The following SLC23A3 variants were observed in gnomAD, a reference collection of about 807,000 sequenced individuals.
SLC23A3 encodes the protein solute carrier family 23 member 3, also known as E2-binding protein 3.
Under a neutral mutation model 64.7 loss-of-function variants are expected in SLC23A3, and 41 were observed. That is an observed-to-expected ratio of 0.63 (90% CI 0.49 to 0.82). SLC23A3 has a LOEUF of 0.82. SLC23A3 is among the 40% of genes least tolerant of loss of function. The pLI is 0.00. For synonymous variants in SLC23A3, 281 were observed against 306.8 expected (o/e 0.92, Z 0.88); for missense variants, 647 against 733.4 (o/e 0.88, Z 1.36).
intron 9 of SLC23A3, 85 bp from the exon 10 acceptor site, chr2:219,163,640 T>A: frequency 7.9e-7 from 1 of 1,261,072 alleles, no homozygotes; most frequent in Non-Finnish European, 1.1e-6. Flanking sequence ...AAGCAGGTTG[T>A]AATGGGAAAC....
At position 219,169,433 on chromosome 2, in the gene SLC23A3, CT is replaced by C. The variant is rs777901421; in HGVS notation, c.321-28del. 5.0e-6 allele frequency: 8 copies of C among 1,614,054 alleles called. No individual in the cohort carries two copies. In the Admixed American group the frequency reaches 1.3e-4, roughly 27 times the overall value. ...TGTAGGAACAGCAGCCCCAGCAGGT[CT>C]GGGACTATGTGGCAGCCAGCAAGGC... On this transcript the variant is annotated intron_variant, in intron 2 of 11. Coordinates refer to ENST00000409878, the MANE Select transcript of SLC23A3 (RefSeq NM_001144889.2). This position sits in a 1 kb window ranked among gnomAD's most constrained non-coding sequence, Gnocchi z 4.5.
chr2:219,164,425 G>T, intron 8 of SLC23A3, 87 bp from the exon 9 acceptor site: 1 of 851,164 alleles, frequency 1.2e-6, no homozygotes, highest in Non-Finnish European at 1.9e-6. Context: ...TCATCATTTG[G>T]ATCCCAGCTC....
chr2:219,165,625 C>T (rs1476525262), intron 7 of SLC23A3, among the ~76,000 whole-genome samples: 2 of 152,268 alleles, frequency 1.3e-5, no homozygotes, highest in Non-Finnish European at 2.9e-5. Context: ...CCTTCCCTCT[C>T]TCTGCAGCCT....
chr2:219,169,182 AGGTC>A lies in SLC23A3; in HGVS notation c.419-84_419-81del. 1 of 1,605,258 alleles carries A rather than the reference AGGTC, an allele frequency of 6.2e-7. No individual in the cohort carries two copies. The highest frequency in any genetic ancestry group is 8.5e-7 in the Non-Finnish European group (1 of 1,172,884). On this transcript the variant is annotated intron_variant, in intron 3 of 11. Coordinates refer to ENST00000409878, the MANE Select transcript of SLC23A3 (RefSeq NM_001144889.2). The surrounding 1 kb of genome is among the most constrained non-coding windows in gnomAD (Gnocchi z 4.5). ...TGCTCTACAGTCCCACTCCTGGCAC[AGGTC>A]CAAGCCCCCTATAGTGTCACAGTCT...
intron 5 of SLC23A3, 109 bp from the exon 6 acceptor site, chr2:219,168,427 G>A: frequency 7.5e-7 from 1 of 1,339,508 alleles, no homozygotes. Flanking sequence ...TACCAGAGAA[G>A]GAAACTCCCA....
intron 5 of SLC23A3, 119 bp from the exon 6 acceptor site, chr2:219,168,437 A>G (rs1950025868): frequency 3.1e-6 from 4 of 1,285,766 alleles, no homozygotes; most frequent in Non-Finnish European, 4.2e-6. Flanking sequence ...GGAAACTCCC[A>G]TGGAAGGAAT....
In SLC23A3 at chr2:219,169,493, C is replaced by G; in HGVS notation, c.320+28G>C. 1 of 1,613,726 alleles carries G rather than the reference C, an allele frequency of 6.2e-7. No homozygotes were observed. The highest frequency in any genetic ancestry group is 1.1e-5 in the South Asian group (1 of 91,038). ...ACCTCTCCTACCCTCCAGGACTCTG[C>G]CCCTCTCTCCAGGGAGGTTCCTCTC... is the stretch of plus-strand genomic sequence containing the variant. On this transcript the variant is annotated intron_variant, in intron 2 of 11. Transcript: ENST00000409878. The surrounding 1 kb of genome is among the most constrained non-coding windows in gnomAD (Gnocchi z 4.5).
In SLC23A3 at chr2:219,169,431, G is replaced by C; in HGVS notation, c.321-25C>G. The C allele has an allele frequency of 6.2e-7, 1 of 1,614,068 alleles. No homozygotes were observed. The highest frequency in any genetic ancestry group is 2.2e-5 in the East Asian group (1 of 44,882). ...CCTGTAGGAACAGCAGCCCCAGCAG[G>C]TCTGGGACTATGTGGCAGCCAGCAA... On this transcript the variant is annotated intron_variant, in intron 2 of 11. Coordinates refer to ENST00000409878, the MANE Select transcript of SLC23A3 (RefSeq NM_001144889.2). This position sits in a 1 kb window ranked among gnomAD's most constrained non-coding sequence, Gnocchi z 4.5.
chr2:219,163,614 T>C (rs1400095015), intron 9 of SLC23A3, 59 bp from the exon 10 acceptor site: 1 of 1,499,434 alleles, frequency 6.7e-7, no homozygotes. Flanking sequence ...TCACATAGCA[T>C]GGAGTATTGC....
At chr2:219,168,475 AAC>A (rs1950026074) in intron 5 of SLC23A3, 157 bp from the exon 6 acceptor site, 15 of 1,131,808 alleles carry the variant, frequency 1.3e-5, no homozygotes, top group Non-Finnish European at 1.9e-5. Context: ...GACAGCAGAA[AAC>A]AGTGTGAAAT....
rs536535765 is a variant in SLC23A3 at position 219,168,628 on chromosome 2, C to A, written c.674+24G>T. 103 of 1,610,090 alleles carry A rather than the reference C, an allele frequency of 6.4e-5. 1 individual carries two copies. In the South Asian group the frequency reaches 1.1e-3, roughly 17 times the overall value. On this transcript the variant is annotated intron_variant, in intron 5 of 11. Coordinates refer to ENST00000409878, the MANE Select transcript of SLC23A3 (RefSeq NM_001144889.2). ...CCATACACCCCCACTGGGCACCATC[C>A]CACGCCTCTCAGGACTCACGTACAG...
chr2:219,168,592 C>A, intron 5 of SLC23A3, 60 bp downstream of exon 5: 7 of 1,530,538 alleles, frequency 4.6e-6, no homozygotes, highest in Non-Finnish European at 6.2e-6. Flanking sequence ...TTCTGCCCTC[C>A]CCTAGTCCCC....
intron 7 of SLC23A3, among the ~76,000 whole-genome samples, chr2:219,166,463 C>T (rs1950006268): frequency 6.6e-6 from 1 of 152,122 alleles, no homozygotes; most frequent in African/African-American, 2.4e-5. Context: ...TCCCAAAGTG[C>T]TGGAATTTCA....
chr2:219,164,487 C>T (rs1313286519), intron 8 of SLC23A3, 149 bp from the exon 9 acceptor site: 11 of 585,634 alleles, frequency 1.9e-5, no homozygotes, highest in Non-Finnish European at 3.4e-5. Flanking sequence ...AAACGTGCCT[C>T]CTTTCCATCC....
At chr2:219,168,959 G>A in intron 4 of SLC23A3, 70 bp downstream of exon 4, 1 of 1,563,104 alleles carries the variant, frequency 6.4e-7, no homozygotes. Flanking sequence ...CTCAGTCTGT[G>A]CATAATGGAA....
rs372823671 is a variant in SLC23A3, at chr2:219,168,212, C to G, written c.781G>C (p.Val261Leu). ...STSSTHTPLP[V>L]FRLLSVLIPV... The stretch of plus-strand genomic sequence containing the variant: ...ACACATACCGAAAGGAGCCGGAAGA[C>G]AGGGAGAGGAGTGTGAGTTGATGAC... Residue 261 changes from valine to leucine, a missense_variant, in exon 6 of 12, where the codon GTC (valine) becomes CTC (leucine). By Grantham distance (32) the Val-to-Leu change is conservative (BLOSUM62 1). Coordinates refer to ENST00000409878, the MANE Select transcript of SLC23A3 (RefSeq NM_001144889.2). 4.9e-3 allele frequency: 7,923 copies of G among 1,613,928 alleles called. 408 individuals are homozygous for G. The South Asian group carries it at 0.081, about 17-fold the overall frequency.
At chr2:219,165,478 G>A in intron 7 of SLC23A3, 56 bp from the exon 8 acceptor site, 1 of 1,507,242 alleles carries the variant, frequency 6.6e-7, no homozygotes. Flanking sequence ...AGTACCCCCT[G>A]CCTCCAACAG....
chr2:219,163,681 T>C (rs369188504), intron 9 of SLC23A3, 126 bp from the exon 10 acceptor site: 1 of 917,190 alleles, frequency 1.1e-6, no homozygotes, highest in Admixed American at 2.7e-5. Flanking sequence ...ATTTTTGTTT[T>C]TTTTGTTTTT....
At position 219,162,044 on chromosome 2, in the gene SLC23A3, G is replaced by A. The variant is rs763475003; in HGVS notation, c.1698C>T (p.Cys566=). 25 of 1,614,128 alleles carry A rather than the reference G, an allele frequency of 1.5e-5. No homozygotes were observed. The highest frequency in any genetic ancestry group is 2.1e-5 in the Non-Finnish European group (25 of 1,180,056). The change falls in exon 12 of 12, where the codon TGC becomes TGT. Residue 566 remains cysteine (C), a synonymous_variant. Coordinates refer to ENST00000409878, the MANE Select transcript of SLC23A3 (RefSeq NM_001144889.2). The stretch of plus-strand genomic sequence containing the variant: ...CAGGGTCTTCAGGCAGTGGGCAGAG[G>A]CAGTGGAGAGGCTGGGGGATGCAGG... ...LCPCIPQPLH[C]LCPLPEDPGD...
Sources: gnomAD v4.1 joint callset for allele counts (sites outside exome capture counted in the v4.1 genomes callset) on GRCh38, gnomAD v4.1.1 for gene constraint, Gnocchi (gnomAD v3.1) non-coding constraint, MANE v1.5 for transcripts, NCBI Gene and HGNC (gene_info 2026-07-23, HGNC 2026-07-21) for gene names.